The following NBPF11 variants were observed in gnomAD, a reference collection of about 807,000 sequenced individuals.
NBPF11 encodes NBPF family member NBPF11.
A neutral mutation model predicts 93.9 loss-of-function variants in NBPF11; 72 were observed. The observed-to-expected ratio is 0.77, with a 90% CI of 0.63 to 0.93. NBPF11 has a LOEUF of 0.93. Ranked by LOEUF, NBPF11 falls within the 40% of genes least tolerant of loss-of-function variation. The pLI, the probability that NBPF11 is intolerant of heterozygous loss-of-function variation, is 0.00. For synonymous variants in NBPF11, 224 were observed against 304.9 expected, an observed-to-expected ratio of 0.73 and a Z score of 2.76; for missense variants, 705 against 802.2, an observed-to-expected ratio of 0.88 and a Z score of 1.46.
chr1:148,119,950 G>A (rs1487624879), intron 10 of NBPF11, among the ~76,000 whole-genome samples: 42 of 123,818 alleles, frequency 3.4e-4, no homozygotes, highest in African/African-American at 6.7e-4. Context: ...CACCATGCAC[G>A]GCCCCTACTC....
intron 15 of NBPF11, among the ~76,000 whole-genome samples, chr1:148,111,229 C>G (rs28580419): frequency 5.3e-5 from 8 of 152,050 alleles, no homozygotes; most frequent in Non-Finnish European, 7.4e-5. Flanking sequence ...AGACATCCAC[C>G]CCAAAACCCC....
In NBPF11 at chr1:148,143,468, G is replaced by A. The variant is rs1177340025; in HGVS notation, c.-330C>T. On this transcript the variant is annotated 5_prime_UTR_variant, in exon 2 of 24. Transcript: ENST00000682118. ...GCCCACACCATGTGAAGCTGCTCTT[G>A]GTGCACTGAATGGGTAAGTTTCTAC... 1.5e-5 allele frequency: 14 copies of A among 915,038 alleles called. No homozygotes were observed. The highest frequency in any genetic ancestry group is 2.0e-5 in the Non-Finnish European group (14 of 701,462). 56.7% of individuals were successfully genotyped at this position (915,038 alleles called of 1,614,324 possible).
At chr1:148,108,271 G>T (rs1664268986) in intron 18 of NBPF11, among the ~76,000 whole-genome samples, 2 of 151,830 alleles carry the variant, frequency 1.3e-5, no homozygotes, top group African/African-American at 4.8e-5. Context: ...CCACAGGCAT[G>T]GCCTGAGACT....
chr1:148,150,787 A>C (rs1288140059), intron 1 of NBPF11, among the ~76,000 whole-genome samples: 2 of 150,414 alleles, frequency 1.3e-5, no homozygotes, highest in Non-Finnish European at 3.0e-5. Flanking sequence ...GTGCAGTGAC[A>C]AGATATCTCC....
chr1:148,112,152 G>GTATATATATA (rs1174997764), intron 15 of NBPF11, among the ~76,000 whole-genome samples: 2 of 119,602 alleles, frequency 1.7e-5, no homozygotes, highest in African/African-American at 3.6e-5. Context: ...TTGTGTGTAT[G>GTATATATATA]TATATATATA....
intron 9 of NBPF11, among the ~76,000 whole-genome samples, chr1:148,121,782 T>A (rs1328979259): frequency 2.3e-4 from 35 of 152,024 alleles, no homozygotes; most frequent in Admixed American, 2.3e-3. Context: ...GTTGGGACTA[T>A]AGGCGGGCAG....
intron 5 of NBPF11, among the ~76,000 whole-genome samples, chr1:148,125,227 G>A (rs6659398): frequency 0.1 from 15,303 of 151,900 alleles, 1,071 homozygotes; most frequent in East Asian, 0.27. Context: ...CATCAAGGAA[G>A]TTGACAAGAT....
At chr1:148,111,668 A>T (rs1221204111) in intron 15 of NBPF11, among the ~76,000 whole-genome samples, 1 of 151,662 alleles carries the variant, frequency 6.6e-6, no homozygotes. Context: ...TTCAAGATCA[A>T]ATTAGTGAAA....
chr1:148,129,263 T>A (rs1179025723), intron 4 of NBPF11, among the ~76,000 whole-genome samples: 11 of 147,482 alleles, frequency 7.5e-5, no homozygotes, highest in Non-Finnish European at 1.2e-4. Flanking sequence ...ATATATATAA[T>A]ACGTGTATAT....
rs1279862903 is a variant in NBPF11, at chr1:148,140,300, C to T, written c.-276-2491G>A. On this transcript the variant is annotated intron_variant, in intron 2 of 23. Coordinates refer to ENST00000682118, the MANE Select transcript of NBPF11 (RefSeq NM_001385469.3). ...AATAAATCTTACACGTAAATGTAAGCGCAAAACCATAAGAATCCTAGGAGA... is the reference window on the plus strand; with the variant it reads ...AATAAATCTTACACGTAAATGTAAGTGCAAAACCATAAGAATCCTAGGAGA... Among the ~76,000 whole-genome samples the T allele has an allele frequency of 8.2e-4, 124 of 151,938 alleles. 1 individual carries two copies. The highest frequency in any genetic ancestry group is 1.5e-3 in the African/African-American group (62 of 41,280).
In NBPF11 at chr1:148,148,994, G is replaced by A. The variant is rs1300359973; in HGVS notation, c.-549+2756C>T. Among the ~76,000 whole-genome samples the A allele has an allele frequency of 5.9e-5, 9 of 151,370 alleles. No individual in the cohort carries two copies. The East Asian group carries it at 1.8e-3, about 30-fold the overall frequency. ...TTCGCCCACCGCCACGGTGTTGGGG[G>A]CTGGGGGTGGCCCTCGGGACTGGTG... is the stretch of plus-strand genomic sequence containing the variant. On this transcript the variant is annotated intron_variant, in intron 1 of 23. Coordinates refer to ENST00000682118, the MANE Select transcript of NBPF11 (RefSeq NM_001385469.3).
Position 148,126,957 on chromosome 1 carries a change from T to C in NBPF11, c.47A>G (p.Asn16Ser). Residue 16 changes from asparagine (N) to serine (S), a missense_variant, in exon 5 of 24, where the codon AAC becomes AGC. By Grantham distance (46) the Asn-to-Ser change is conservative. Transcript: ENST00000682118. ...CAATTTCTCGTTGATTTCTAGAATG[T>C]TCATCTCTGCCTTCTCGCTGGACCA... is the stretch of plus-strand genomic sequence containing the variant. ...GPWSSEKAEM[N>S]ILEINEKLRP... The C allele has an allele frequency of 1.2e-6, 1 of 868,420 alleles. No individual in the cohort carries two copies. Among genetic ancestry groups the C allele is most frequent in the Non-Finnish European group, 1.9e-6 (1 of 534,734 alleles). 53.8% of individuals were successfully genotyped at this position (868,420 alleles called of 1,614,324 possible).
chr1:148,147,428 T>G (rs1339136271), intron 1 of NBPF11, among the ~76,000 whole-genome samples: 2 of 152,092 alleles, frequency 1.3e-5, no homozygotes, highest in East Asian at 3.9e-4. Context: ...ACATCCGAGG[T>G]CTGGGCCAGC....
chr1:148,141,553 G>T (rs1364973153), intron 2 of NBPF11, among the ~76,000 whole-genome samples: 3 of 152,050 alleles, frequency 2.0e-5, no homozygotes, highest in African/African-American at 7.3e-5. Flanking sequence ...TTAGTACTTG[G>T]CATTGAAGTG....
In NBPF11 at chr1:148,132,723, C is replaced by CTTTTTTTT. The variant is rs796172565; in HGVS notation, c.-36+2941_-36+2948dup. 4.8e-4 allele frequency among the ~76,000 whole-genome samples: 16 copies of CTTTTTTTT among 33,224 alleles called. 7 individuals carry two copies. Among genetic ancestry groups the CTTTTTTTT allele is most frequent in the Non-Finnish European group, 8.9e-4 (14 of 15,660 alleles). The allele number at this position is 33,224 out of a possible 152,430, so 21.8% of individuals were successfully genotyped here. ...CCTTACATAAATTTTGTTGACTTTC[C>CTTTTTTTT]TTTTTTTTTTTTTTTTTTTTTTTTT... On this transcript the variant is annotated intron_variant, in intron 4 of 23. Transcript: ENST00000682118.
Position 148,124,284 on chromosome 1 carries a change from G to A in NBPF11, c.279-217C>T, listed in dbSNP as rs1668567371. ...GGGCTCCTGCAAGATCCTCGATGATGTTCCATTCATCTTTCCCTTCTGTAA... is the reference window on the plus strand; with the variant it reads ...GGGCTCCTGCAAGATCCTCGATGATATTCCATTCATCTTTCCCTTCTGTAA... On this transcript the variant is annotated intron_variant, in intron 6 of 23. Coordinates refer to ENST00000682118, the MANE Select transcript of NBPF11 (RefSeq NM_001385469.3). Among the ~76,000 whole-genome samples the A allele has an allele frequency of 1.2e-4, 18 of 151,982 alleles. No individual in the cohort carries two copies. The South Asian group carries it at 3.8e-3, about 32-fold the overall frequency.
At position 148,140,301 on chromosome 1, in the gene NBPF11, G is replaced by A. The variant is rs1205994145; in HGVS notation, c.-276-2492C>T. Among the ~76,000 whole-genome samples the A allele has an allele frequency of 7.2e-5, 11 of 152,010 alleles. 1 individual carries two copies. Among genetic ancestry groups the A allele is most frequent in the Admixed American group, 2.6e-4 (4 of 15,276 alleles). ...ATAAATCTTACACGTAAATGTAAGC[G>A]CAAAACCATAAGAATCCTAGGAGAT... is the stretch of plus-strand genomic sequence containing the variant. On this transcript the variant is annotated intron_variant, in intron 2 of 23. Transcript: ENST00000682118.
At chr1:148,123,194 C>T (rs1233505101) in intron 7 of NBPF11, among the ~76,000 whole-genome samples, 1 of 151,940 alleles carries the variant, frequency 6.6e-6, no homozygotes, top group African/African-American at 2.4e-5. Flanking sequence ...AAACTTGTCC[C>T]ACAGTCCTCT....
At chr1:148,136,674 G>T (rs1167930083) in intron 3 of NBPF11, among the ~76,000 whole-genome samples, 3 of 152,076 alleles carry the variant, frequency 2.0e-5, no homozygotes, top group Non-Finnish European at 4.4e-5. Context: ...TTTTGGGTTA[G>T]TGACTTCTTT....
Sources: allele counts gnomAD v4.1 joint callset (sites outside exome capture counted in the v4.1 genomes callset), GRCh38; gene constraint gnomAD v4.1.1; transcripts MANE v1.5; gene names NCBI Gene and HGNC (gene_info 2026-07-23, HGNC 2026-07-21).